NOX4: variants seen among roughly 807,000 people sequenced by gnomAD.
NOX4 encodes kidney oxidase-1.
NOX4 carries 69 observed loss-of-function variants against 87.6 expected under a neutral mutation model. That is an observed-to-expected ratio of 0.79 (90% CI 0.65 to 0.96). NOX4 has a LOEUF of 0.96. Among genes scored for constraint, NOX4 ranks in the 40% least tolerant of loss-of-function variants. The pLI, the probability that NOX4 is intolerant of heterozygous loss-of-function variation, is 0.00. For missense variants in NOX4, 680 were observed against 681.5 expected (o/e 1.00, Z 0.02); for synonymous variants, 275 against 238.2 (o/e 1.15, Z -1.42).
intron 2 of NOX4, among the ~76,000 whole-genome samples, chr11:89,452,891 A>G (rs1436644523): frequency 6.6e-6 from 1 of 151,762 alleles, no homozygotes; most frequent in Admixed American, 6.6e-5. Flanking sequence ...TTTAAAATCC[A>G]CGTTTAGTCA....
chr11:89,558,406 C>T, the NOX4 span, among the ~76,000 whole-genome samples: 1 of 152,000 alleles, frequency 6.6e-6, no homozygotes, highest in African/African-American at 2.4e-5. Context: ...GACTCTTACT[C>T]TTACCATTTG....
Position 89,491,349 on chromosome 11 carries a change from G to C in NOX4, c.-103C>G. ...GTTGTGCGGCCTGCCGGGCCGCTGA[G>C]CGAGGACCGAGGGTCAAAGACTGAG... On this transcript the variant is annotated 5_prime_UTR_variant, in exon 1 of 18. Transcript: ENST00000263317. 1 of 1,101,336 alleles carries C rather than the reference G, an allele frequency of 9.1e-7. No individual in the cohort carries two copies. The highest frequency in any genetic ancestry group is 3.0e-4 in the Middle Eastern group (1 of 3,284). 68.2% of individuals were successfully genotyped at this position (1,101,336 alleles called of 1,614,324 possible).
chr11:89,369,259 A>C lies in NOX4; in HGVS notation c.1135+4173T>G, dbSNP rs1222213996. Among the ~76,000 whole-genome samples, 4 of 152,040 alleles carry C rather than the reference A, an allele frequency of 2.6e-5. No homozygotes were observed. In the East Asian group the frequency reaches 7.7e-4, roughly 29 times the overall value. On this transcript the variant is annotated intron_variant, in intron 12 of 17. Transcript: ENST00000263317. Reference sequence around the variant, plus strand: ...AAATTGAGGATGGTGAAAAAATACAAAGAGTGGAAGAAAATTACTACCATC... The same window carrying C: ...AAATTGAGGATGGTGAAAAAATACACAGAGTGGAAGAAAATTACTACCATC...
chr11:89,479,726 A>C (rs1387970876), intron 2 of NOX4, among the ~76,000 whole-genome samples: 1 of 152,186 alleles, frequency 6.6e-6, no homozygotes, highest in African/African-American at 2.4e-5. Context: ...GATTGAGCAA[A>C]GTCCTTCTTT....
chr11:89,418,542 T>A (rs1398729965), intron 8 of NOX4, among the ~76,000 whole-genome samples: 3 of 151,512 alleles, frequency 2.0e-5, no homozygotes, highest in Non-Finnish European at 4.4e-5. Context: ...TAATTGTTAA[T>A]ATATTCGAAG....
rs149791443 is a variant in NOX4 at position 89,337,857 on chromosome 11, T to C, written c.1447-342A>G. On this transcript the variant is annotated intron_variant, in intron 15 of 17. Transcript: ENST00000263317. ...ATTTTATTCCTTAAGAGTCTCAAAA[T>C]TGTACCAGTTTACTCATCAAGAACA... Among the ~76,000 whole-genome samples the C allele has an allele frequency of 4.7e-3, 717 of 152,128 alleles. 6 individuals carry two copies. Among genetic ancestry groups the C allele is most frequent in the African/African-American group, 0.017 (692 of 41,534 alleles).
the NOX4 span, among the ~76,000 whole-genome samples, chr11:89,534,718 C>G: frequency 6.6e-6 from 1 of 152,204 alleles, no homozygotes; most frequent in Admixed American, 6.5e-5. Flanking sequence ...GATGTCCTTA[C>G]CCAGTAGACT....
At chr11:89,364,569 C>T (rs929661649) in intron 12 of NOX4, among the ~76,000 whole-genome samples, 3 of 151,952 alleles carry the variant, frequency 2.0e-5, no homozygotes, top group Non-Finnish European at 4.4e-5. Flanking sequence ...TCCCTAAACC[C>T]ATACATGTAA....
At chr11:89,569,300 A>C in the NOX4 span, among the ~76,000 whole-genome samples, 2 of 152,168 alleles carry the variant, frequency 1.3e-5, no homozygotes, top group Admixed American at 6.5e-5. Context: ...AAATATTTGC[A>C]AACTATGCAT....
chr11:89,441,527 A>G (rs1944453757), intron 5 of NOX4, among the ~76,000 whole-genome samples: 1 of 152,174 alleles, frequency 6.6e-6, no homozygotes, highest in South Asian at 2.1e-4. Context: ...GGGTCTTTGA[A>G]TAAGGACCAC....
chr11:89,398,385 C>G (rs1349341896), intron 11 of NOX4, among the ~76,000 whole-genome samples: 2 of 151,932 alleles, frequency 1.3e-5, no homozygotes, highest in Non-Finnish European at 2.9e-5. Flanking sequence ...AAACTGGAAG[C>G]ATTCCCTTTG....
intron 13 of NOX4, among the ~76,000 whole-genome samples, chr11:89,351,360 C>G (rs760077732): frequency 6.6e-6 from 1 of 152,122 alleles, no homozygotes; most frequent in Non-Finnish European, 1.5e-5. Flanking sequence ...TATAAAAGTT[C>G]AAAGCAAAGC....
In NOX4 at chr11:89,360,558, G is replaced by A. The variant is rs550927783; in HGVS notation, c.1136-5515C>T. On this transcript the variant is annotated intron_variant, in intron 12 of 17. Transcript: ENST00000263317. ...ACAACACTCAACTGGTTGTCAGAGA[G>A]CCTGAGTTCTTGACCTTAGTCTGCC... 2.6e-5 allele frequency among the ~76,000 whole-genome samples: 4 copies of A among 152,128 alleles called. No homozygotes were observed. In the South Asian group the frequency reaches 8.3e-4, roughly 31 times the overall value.
intron 2 of NOX4, among the ~76,000 whole-genome samples, chr11:89,475,139 A>T (rs1034089282): frequency 5.9e-5 from 9 of 152,008 alleles, no homozygotes; most frequent in Admixed American, 6.6e-5. Flanking sequence ...TTACAGTAGG[A>T]AACAAAACTG....
At chr11:89,545,947 C>G in the NOX4 span, among the ~76,000 whole-genome samples, 2 of 152,172 alleles carry the variant, frequency 1.3e-5, no homozygotes, top group African/African-American at 4.8e-5. Context: ...ATGGCACACC[C>G]ATCAGCCCCT....
At chr11:89,458,591 TAAAC>T (rs1945311770) in intron 2 of NOX4, among the ~76,000 whole-genome samples, 1 of 152,184 alleles carries the variant, frequency 6.6e-6, no homozygotes, top group African/African-American at 2.4e-5. Flanking sequence ...GTGAGAAACT[TAAAC>T]AAATTAACAA....
At chr11:89,453,514 C>T (rs1019057087) in intron 2 of NOX4, among the ~76,000 whole-genome samples, 2 of 152,162 alleles carry the variant, frequency 1.3e-5, no homozygotes, top group Non-Finnish European at 2.9e-5. Context: ...TATGTTCACA[C>T]TGAAAACATT....
At chr11:89,354,380 A>T (rs1160341346) in intron 13 of NOX4, among the ~76,000 whole-genome samples, 1 of 152,134 alleles carries the variant, frequency 6.6e-6, no homozygotes, top group Admixed American at 6.6e-5. Context: ...GGGAAGATGA[A>T]GGCATATTCC....
chr11:89,566,315 T>G, the NOX4 span, among the ~76,000 whole-genome samples: 6 of 152,196 alleles, frequency 3.9e-5, no homozygotes, highest in African/African-American at 1.4e-4. Context: ...GTGCTGGGAT[T>G]ACAGGTGTGA....
Sources: allele counts gnomAD v4.1 joint callset (sites outside exome capture counted in the v4.1 genomes callset), GRCh38; gene constraint gnomAD v4.1.1; transcripts MANE v1.5; gene names NCBI Gene and HGNC (gene_info 2026-07-23, HGNC 2026-07-21).